The following KCNJ9 variants were observed in gnomAD, a reference collection of about 807,000 sequenced individuals.
The protein encoded by KCNJ9 is potassium inwardly rectifying channel subfamily J member 9, also known as G protein-activated inward rectifier potassium channel 3.
Under a neutral mutation model 27.9 loss-of-function variants are expected in KCNJ9, and 18 were observed. That is an observed-to-expected ratio of 0.65 (90% CI 0.45 to 0.96). KCNJ9 has a LOEUF of 0.96. Ranked by LOEUF, KCNJ9 falls within the 40% of genes least tolerant of loss-of-function variation. The probability of loss-of-function intolerance (pLI) is 0.00; values close to 1 mark genes in which losing one functional copy is unlikely to be tolerated. For synonymous variants in KCNJ9, 229 were observed against 248.2 expected (o/e 0.92, Z 0.73); for missense variants, 324 against 557.5 (o/e 0.58, Z 4.22).
At chr1:160,087,186 GTT>G (rs1216295251) in intron 2 of KCNJ9, among the ~76,000 whole-genome samples, 1 of 152,186 alleles carries the variant, frequency 6.6e-6, no homozygotes, top group Non-Finnish European at 1.5e-5. Flanking sequence ...GGAGTGAGAA[GTT>G]GGACTAGAGG....
At chr1:160,082,931 T>C (rs978615070) in intron 1 of KCNJ9, among the ~76,000 whole-genome samples, 4 of 145,802 alleles carry the variant, frequency 2.7e-5, no homozygotes, top group Admixed American at 6.9e-5. Context: ...TTGGGGCATA[T>C]GGCAGGTGGG....
rs538980103 is a variant in KCNJ9, at chr1:160,084,896, G to A, written c.850+16G>A. 29 of 1,513,936 alleles carry A rather than the reference G, an allele frequency of 1.9e-5. No individual in the cohort carries two copies. The East Asian group carries it at 6.4e-4, about 34-fold the overall frequency. The allele number at this position is 1,513,936 out of a possible 1,614,324, so 93.8% of individuals were successfully genotyped here. On this transcript the variant is annotated intron_variant, in intron 2 of 2. Coordinates refer to ENST00000368088, the MANE Select transcript of KCNJ9 (RefSeq NM_004983.3). ...GAAGCCACGGGTGCGAGCAGGCCTG[G>A]GGAGGGGAGCGGGGTTGGCAGAGGG...
At chr1:160,086,700 TG>T (rs1649782775) in intron 2 of KCNJ9, among the ~76,000 whole-genome samples, 1 of 152,180 alleles carries the variant, frequency 6.6e-6, no homozygotes, top group East Asian at 1.9e-4. Flanking sequence ...AAAATGATTA[TG>T]TAATGTTATC....
Position 160,087,673 on chromosome 1 carries a change from T to C in KCNJ9, c.1038T>C (p.Asp346=). 7.2e-7 allele frequency: 1 copy of C among 1,391,508 alleles called. No homozygotes were observed. The highest frequency in any genetic ancestry group is 9.6e-7 in the Non-Finnish European group (1 of 1,040,932). 86.2% of individuals were successfully genotyped at this position (1,391,508 alleles called of 1,614,324 possible). The change falls in exon 3 of 3, where the codon GAT becomes GAC. Residue 346 remains aspartate (D), a synonymous_variant. Transcript: ENST00000368088. ...TGGCAGAGGCTGCCGCCCGCCTTGA[T>C]GCCCATCTCTACTGGTCCATCCCCA... ...RELAEAAARL[D]AHLYWSIPSR...
intron 1 of KCNJ9, among the ~76,000 whole-genome samples, chr1:160,082,594 A>T (rs996270271): frequency 6.6e-6 from 1 of 152,170 alleles, no homozygotes; most frequent in African/African-American, 2.4e-5. Flanking sequence ...TTAGAGTCAC[A>T]TACCCAGGCA....
chr1:160,081,945 G>T (rs1570944735), intron 1 of KCNJ9, among the ~76,000 whole-genome samples: 1 of 152,198 alleles, frequency 6.6e-6, no homozygotes, highest in Non-Finnish European at 1.5e-5. Flanking sequence ...ATTCTTGGAG[G>T]GAAGATGGAG....
intron 1 of KCNJ9, among the ~76,000 whole-genome samples, chr1:160,082,629 C>G (rs1649702387): frequency 6.6e-6 from 1 of 152,216 alleles, no homozygotes; most frequent in Non-Finnish European, 1.5e-5. Flanking sequence ...CCTGGTCAAC[C>G]ATCCAGGCCA....
At chr1:160,087,463 CT>C in intron 2 of KCNJ9, 22 bp from the exon 3 acceptor site, 1 of 1,572,746 alleles carries the variant, frequency 6.4e-7, no homozygotes, top group Non-Finnish European at 8.6e-7. Flanking sequence ...GAGATTCCCC[CT>C]GACCGGTGCC....
intron 2 of KCNJ9, 70 bp from the exon 3 acceptor site, chr1:160,087,416 G>T (rs182860544): frequency 5.8e-5 from 88 of 1,525,796 alleles, no homozygotes; most frequent in Non-Finnish European, 7.3e-5. Flanking sequence ...TGGGAGTAGG[G>T]TTGTGGAATG....
rs779767337 is a variant in KCNJ9, at chr1:160,084,813, G to A, written c.783G>A (p.Ser261=). The change falls in exon 2 of 3, where the codon TCG becomes TCA. Residue 261 remains serine, a synonymous_variant. Transcript: ENST00000368088. ...CCGCCAGCCCCTTCTGGGAGGCGTCGCGCCGTGCCCTCGAGAGGGACGACT... is the reference window on the plus strand; with the variant it reads ...CCGCCAGCCCCTTCTGGGAGGCGTCACGCCGTGCCCTCGAGAGGGACGACT... ...IDAASPFWEA[S]RRALERDDFE... The A allele has an allele frequency of 5.2e-6, 8 of 1,550,082 alleles. No individual in the cohort carries two copies. In the African/African-American group the frequency reaches 9.6e-5, roughly 19 times the overall value.
rs1331146631 is a variant in KCNJ9, at chr1:160,084,255, C to T, written c.225C>T (p.Phe75=). ...VLAYALTWLF[F]GAIWWLIAYG... is the part of the protein sequence containing the mutation. ...CCTACGCGCTCACCTGGCTCTTCTTCGGCGCCATCTGGTGGCTGATCGCCT... is the reference window on the plus strand; with the variant it reads ...CCTACGCGCTCACCTGGCTCTTCTTTGGCGCCATCTGGTGGCTGATCGCCT... The change falls in exon 2 of 3, where the codon TTC becomes TTT. Residue 75 remains phenylalanine, a synonymous_variant. Coordinates refer to ENST00000368088, the MANE Select transcript of KCNJ9 (RefSeq NM_004983.3). 1.9e-6 allele frequency: 3 copies of T among 1,613,292 alleles called. No individual in the cohort carries two copies. Among genetic ancestry groups the T allele is most frequent in the African/African-American group, 2.7e-5 (2 of 74,920 alleles).
chr1:160,090,404 C>G lies in KCNJ9; in HGVS notation c.*2587C>G, dbSNP rs775442383. The G allele has an allele frequency of 6.6e-6, 1 of 152,506 alleles. No individual in the cohort carries two copies. The highest frequency in any genetic ancestry group is 1.9e-4 in the East Asian group (1 of 5,190). The allele number at this position is 152,506 out of a possible 1,614,324, so 9.4% of individuals were successfully genotyped here. On this transcript the variant is annotated 3_prime_UTR_variant, in exon 3 of 3. Transcript: ENST00000368088. ...GCCACTGTCACCACTCAGGGCACCA[C>G]TGTACAGTGCAACAAGTCAGGAGAC...
rs758460372 is a variant in KCNJ9, at chr1:160,084,316, G to T, written c.286G>T (p.Ala96Ser). 2.3e-5 allele frequency: 37 copies of T among 1,613,392 alleles called. 1 individual carries two copies. The Admixed American group carries it at 2.7e-4, about 12-fold the overall frequency. The change falls in exon 2 of 3, where the codon GCG (alanine) becomes TCG (serine). Residue 96 changes from alanine (A) to serine (S), a missense_variant. Around this residue, in one of 3 missense-constraint regions of KCNJ9, gnomAD observed 241 missense variants for 481.7 expected, o/e 0.50. Coordinates refer to ENST00000368088, the MANE Select transcript of KCNJ9 (RefSeq NM_004983.3). ...CGACCTGGAGCACCTGGAGGACACC[G>T]CGTGGACGCCGTGCGTCAACAACCT... ...RGDLEHLEDT[A>S]WTPCVNNLNG...
At chr1:160,083,500 C>T (rs1649717077) in intron 1 of KCNJ9, among the ~76,000 whole-genome samples, 1 of 152,088 alleles carries the variant, frequency 6.6e-6, no homozygotes, top group East Asian at 1.9e-4. Flanking sequence ...TGGTGGAAGT[C>T]CTTAGGGCAG....
Position 160,087,767 on chromosome 1 carries a change from A to G in KCNJ9, c.1132A>G (p.Lys378Glu). Reference sequence around the variant, plus strand: ...GGCGGGTGGGGAAGCTGGGGCTGACAAGGAGCAGAATGGCTGCCTGCCACC... The same window carrying G: ...GGCGGGTGGGGAAGCTGGGGCTGACGAGGAGCAGAATGGCTGCCTGCCACC... ...EGAGGEAGADKEQNGCLPPPE... is the reference protein window; with the variant it reads ...EGAGGEAGADEEQNGCLPPPE... The change falls in exon 3 of 3, where the codon AAG becomes GAG. Residue 378 changes from lysine (K) to glutamate (E), a missense_variant. Physicochemically the swap from Lys to Glu is moderately conservative, Grantham distance 56 (BLOSUM62 1). This residue lies in a region of KCNJ9 where 51 missense variants were observed against 44.1 expected (regional missense o/e 1.16). Transcript: ENST00000368088. 1 of 1,489,688 alleles carries G rather than the reference A, an allele frequency of 6.7e-7. No individual in the cohort carries two copies. Among genetic ancestry groups the G allele is most frequent in the Non-Finnish European group, 9.0e-7 (1 of 1,116,396 alleles). 92.3% of individuals were successfully genotyped at this position (1,489,688 alleles called of 1,614,324 possible).
At position 160,087,741 on chromosome 1, in the gene KCNJ9, G is replaced by A. The variant is rs375043342; in HGVS notation, c.1106G>A (p.Gly369Glu). 14 of 678,956 alleles carry A rather than the reference G, an allele frequency of 2.1e-5. No homozygotes were observed. Among genetic ancestry groups the A allele is most frequent in the East Asian group, 4.9e-5 (1 of 20,562 alleles). 42.1% of individuals were successfully genotyped at this position (678,956 alleles called of 1,614,324 possible). Residue 369 changes from glycine to glutamate, a missense_variant, in exon 3 of 3, where the codon GGG becomes GAG. This residue lies in a region of KCNJ9 where 51 missense variants were observed against 44.1 expected (regional missense o/e 1.16). Transcript: ENST00000368088. The stretch of plus-strand genomic sequence containing the variant: ...GTGGAGGAGGAGGGGGCGGGGGAGG[G>A]GGCGGGTGGGGAAGCTGGGGCTGAC... ...EKVEEEGAGE[G>E]AGGEAGADKE...
Position 160,084,479 on chromosome 1 carries a change from A to C in KCNJ9, c.449A>C (p.Asn150Thr), listed in dbSNP as rs145915593. The change falls in exon 2 of 3, where the codon AAC (asparagine) becomes ACC (threonine). Residue 150 changes from asparagine (N) to threonine (T), a missense_variant. Asn to Thr is a moderately conservative substitution (Grantham distance 65). Around this residue, in one of 3 missense-constraint regions of KCNJ9, gnomAD observed 241 missense variants for 481.7 expected, o/e 0.50. Coordinates refer to ENST00000368088, the MANE Select transcript of KCNJ9 (RefSeq NM_004983.3). ...CAGGCCATCCTGGGCTCCATGGTGA[A>C]CGCCTTCATGGTGGGCTGCATGTTC... is the stretch of plus-strand genomic sequence containing the variant. ...LLQAILGSMV[N>T]AFMVGCMFVK... 3 of 1,613,566 alleles carry C rather than the reference A, an allele frequency of 1.9e-6. No homozygotes were observed. The highest frequency in any genetic ancestry group is 1.3e-5 in the African/African-American group (1 of 74,920).
In KCNJ9 at chr1:160,088,396, G is replaced by C. The variant is rs1649825116; in HGVS notation, c.*579G>C. On this transcript the variant is annotated 3_prime_UTR_variant, in exon 3 of 3. Transcript: ENST00000368088. The stretch of plus-strand genomic sequence containing the variant: ...GGCCAAGCTGAAGTGAAGGAGAAAG[G>C]AGCCGGACCAAGATGGGCACATGAG... 6.6e-6 allele frequency: 1 copy of C among 152,240 alleles called. No individual in the cohort carries two copies. The highest frequency in any genetic ancestry group is 1.5e-5 in the Non-Finnish European group (1 of 68,098). 9.4% of individuals were successfully genotyped at this position (152,240 alleles called of 1,614,324 possible).
intron 1 of KCNJ9, among the ~76,000 whole-genome samples, chr1:160,083,238 A>G (rs1289019849): frequency 6.6e-6 from 1 of 152,222 alleles, no homozygotes; most frequent in African/African-American, 2.4e-5. Flanking sequence ...GATCGTGGGT[A>G]GGTCTCAGGG....
Sources: gnomAD v4.1 joint callset for allele counts (sites outside exome capture counted in the v4.1 genomes callset) on GRCh38, gnomAD v4.1.1 for gene constraint, gnomAD v4.1.1 regional missense constraint, MANE v1.5 for transcripts, NCBI Gene and HGNC (gene_info 2026-07-23, HGNC 2026-07-21) for gene names.